RFTN1: variants seen among roughly 807,000 people sequenced by gnomAD.
RFTN1 encodes raftlin.
A neutral mutation model predicts 46.5 loss-of-function variants in RFTN1; 26 were observed. The ratio of observed to expected loss-of-function variants is 0.56; its 90% CI spans 0.41 to 0.78. The LOEUF (loss-of-function observed/expected upper bound fraction) is 0.78. Among genes scored for constraint, RFTN1 ranks in the 30% least tolerant of loss-of-function variants. The pLI is 0.00. For missense variants in RFTN1, 693 were observed against 718.7 expected, an observed-to-expected ratio of 0.96 and a Z score of 0.41; for synonymous variants, 261 against 284.2, an observed-to-expected ratio of 0.92 and a Z score of 0.82.
Position 16,402,102 on chromosome 3 carries a change from A to G in RFTN1, c.441+7273T>C, listed in dbSNP as rs2074619066. On this transcript the variant is annotated intron_variant, in intron 4 of 9. Coordinates refer to ENST00000334133, the MANE Select transcript of RFTN1 (RefSeq NM_015150.2). The surrounding 1 kb of genome is among the most constrained non-coding windows in gnomAD (Gnocchi z 4.5). ...TCTTCATACAACCATCCCCATTCTC[A>G]TCACCTCTCTGCCCCCAGGGCTCCT... Among the ~76,000 whole-genome samples the G allele has an allele frequency of 6.6e-6, 1 of 152,088 alleles. No homozygotes were observed. Among genetic ancestry groups the G allele is most frequent in the Non-Finnish European group, 1.5e-5 (1 of 68,002 alleles).
Position 16,442,720 on chromosome 3 carries a change from C to A in RFTN1, c.146-8683G>T, listed in dbSNP as rs2075651857. On this transcript the variant is annotated intron_variant, in intron 2 of 9. Coordinates refer to ENST00000334133, the MANE Select transcript of RFTN1 (RefSeq NM_015150.2). This position sits in a 1 kb window ranked among gnomAD's most constrained non-coding sequence, Gnocchi z 4.1. ...ACTGCAACTTTGTACCTTTGACCTA[C>A]AACTCCCCATCTCCCTGCATCTCCC... is the stretch of plus-strand genomic sequence containing the variant. Among the ~76,000 whole-genome samples, 2 of 152,192 alleles carry A rather than the reference C, an allele frequency of 1.3e-5. No individual in the cohort carries two copies.
At chr3:16,326,486 T>C (rs1025322628) in intron 8 of RFTN1, among the ~76,000 whole-genome samples, 5 of 152,222 alleles carry the variant, frequency 3.3e-5, no homozygotes, top group African/African-American at 1.2e-4. Context: ...TTCTTTTGCA[T>C]TGGAGGCTCT....
rs564511659 is a variant in RFTN1, at chr3:16,450,918, G to C, written c.146-16881C>G. Among the ~76,000 whole-genome samples the C allele has an allele frequency of 2.0e-5, 3 of 152,154 alleles. No individual in the cohort carries two copies. The highest frequency in any genetic ancestry group is 1.9e-4 in the East Asian group (1 of 5,172). ...GTGGTGACTTTCACCACTTGGTTTT[G>C]GTCCTGTTGACTACAGAGGGCCTCT... is the stretch of plus-strand genomic sequence containing the variant. On this transcript the variant is annotated intron_variant, in intron 2 of 9. Transcript: ENST00000334133. The surrounding 1 kb of genome is among the most constrained non-coding windows in gnomAD (Gnocchi z 4.6).
Position 16,344,610 on chromosome 3 carries a change from C to G in RFTN1, c.1146+13322G>C, listed in dbSNP as rs1161885874. ...GTGGCCTCCCAGAATCAGGTCTCTT[C>G]AGGTCCACCACCTTCTAGATCACTG... On this transcript the variant is annotated intron_variant, in intron 7 of 9. Coordinates refer to ENST00000334133, the MANE Select transcript of RFTN1 (RefSeq NM_015150.2). The surrounding 1 kb of genome is among the most constrained non-coding windows in gnomAD (Gnocchi z 4.4). Among the ~76,000 whole-genome samples the G allele has an allele frequency of 6.6e-6, 1 of 152,126 alleles. No homozygotes were observed. Among genetic ancestry groups the G allele is most frequent in the African/African-American group, 2.4e-5 (1 of 41,420 alleles).
rs917993617 is a variant in RFTN1, at chr3:16,348,670, G to A, written c.1146+9262C>T. Among the ~76,000 whole-genome samples, 4 of 152,112 alleles carry A rather than the reference G, an allele frequency of 2.6e-5. No homozygotes were observed. Among genetic ancestry groups the A allele is most frequent in the African/African-American group, 9.7e-5 (4 of 41,424 alleles). On this transcript the variant is annotated intron_variant, in intron 7 of 9. Transcript: ENST00000334133. This position sits in a 1 kb window ranked among gnomAD's most constrained non-coding sequence, Gnocchi z 6.3. ...ATGCCCCTTTGCATCCTTGTTCCTG[G>A]GCATCAAAAAGTAGTCACTCTCTTT...
chr3:16,415,640 G>C (rs2125458501), intron 3 of RFTN1, among the ~76,000 whole-genome samples: 1 of 151,820 alleles, frequency 6.6e-6, no homozygotes, highest in African/African-American at 2.4e-5. Context: ...AAGAGGGTGG[G>C]GTGAAAAGAG....
chr3:16,455,257 C>T (rs1461181169), intron 2 of RFTN1, among the ~76,000 whole-genome samples: 5 of 152,164 alleles, frequency 3.3e-5, no homozygotes, highest in Admixed American at 2.0e-4. Flanking sequence ...ATAACGATTA[C>T]GTGGAGAAAT....
Position 16,458,165 on chromosome 3 carries a change from T to C in RFTN1, c.146-24128A>G, listed in dbSNP as rs1199280440. On this transcript the variant is annotated intron_variant, in intron 2 of 9. Coordinates refer to ENST00000334133, the MANE Select transcript of RFTN1 (RefSeq NM_015150.2). This position sits in a 1 kb window ranked among gnomAD's most constrained non-coding sequence, Gnocchi z 5.1. ...TTCGTTTCAACAACACAAAATAGAC[T>C]AAGACAGACATTCTTTGAGCACCTA... 2.0e-5 allele frequency among the ~76,000 whole-genome samples: 3 copies of C among 152,162 alleles called. No homozygotes were observed. The highest frequency in any genetic ancestry group is 2.4e-5 in the African/African-American group (1 of 41,442).
chr3:16,415,422 T>TACACACACACACACACACAC (rs1299005056), intron 3 of RFTN1, among the ~76,000 whole-genome samples: 1 of 91,760 alleles, frequency 1.1e-5, no homozygotes, highest in African/African-American at 3.0e-5. Context: ...TATATATATA[T>TACACACACACACACACACAC]ATATATATAC....
Position 16,322,382 on chromosome 3 carries a change from G to C in RFTN1, c.1332+994C>G, listed in dbSNP as rs2069168863. 6.6e-6 allele frequency among the ~76,000 whole-genome samples: 1 copy of C among 152,188 alleles called. No homozygotes were observed. Among genetic ancestry groups the C allele is most frequent in the African/African-American group, 2.4e-5 (1 of 41,442 alleles). Reference sequence around the variant, plus strand: ...GCTGCTCCAATCTGTTCATTTACTTGATGCTCCTTCCCAGGGCTCTGTGTC... The same window carrying C: ...GCTGCTCCAATCTGTTCATTTACTTCATGCTCCTTCCCAGGGCTCTGTGTC... On this transcript the variant is annotated intron_variant, in intron 9 of 9. Transcript: ENST00000334133. This position sits in a 1 kb window ranked among gnomAD's most constrained non-coding sequence, Gnocchi z 6.2.
intron 2 of RFTN1, among the ~76,000 whole-genome samples, chr3:16,453,699 G>C (rs975550040): frequency 2.0e-5 from 3 of 152,198 alleles, no homozygotes; most frequent in Admixed American, 6.5e-5. Context: ...TGCTATGGGA[G>C]TCTACAATGG....
chr3:16,470,901 A>T (rs951556352), intron 2 of RFTN1, among the ~76,000 whole-genome samples: 6 of 152,246 alleles, frequency 3.9e-5, no homozygotes, highest in African/African-American at 1.4e-4. Flanking sequence ...ACAGGGTGCT[A>T]GAATTAACAA....
intron 4 of RFTN1, among the ~76,000 whole-genome samples, chr3:16,392,648 G>A (rs1165918631): frequency 7.0e-6 from 1 of 142,442 alleles, no homozygotes; most frequent in Admixed American, 7.0e-5. Flanking sequence ...ATACATAAAA[G>A]TTATATGTGT....
chr3:16,489,431 T>C lies in RFTN1; in HGVS notation c.145+4294A>G, dbSNP rs1448242459. 6.7e-6 allele frequency among the ~76,000 whole-genome samples: 1 copy of C among 149,574 alleles called. No individual in the cohort carries two copies. Among genetic ancestry groups the C allele is most frequent in the African/African-American group, 2.5e-5 (1 of 40,570 alleles). On this transcript the variant is annotated intron_variant, in intron 2 of 9. Coordinates refer to ENST00000334133, the MANE Select transcript of RFTN1 (RefSeq NM_015150.2). This position sits in a 1 kb window ranked among gnomAD's most constrained non-coding sequence, Gnocchi z 4.0. ...AGACTTCGCTTCAAAAAAAAATCAG[T>C]GATGGAGAGGAGATTAGTGGTTGTC... is the stretch of plus-strand genomic sequence containing the variant.
rs773219243 is a variant in RFTN1 at position 16,498,195 on chromosome 3, A to G, written c.-8-4318T>C. Among the ~76,000 whole-genome samples the G allele has an allele frequency of 1.3e-3, 198 of 152,254 alleles. 5 individuals carry two copies. The highest frequency in any genetic ancestry group is 3.8e-4 in the Non-Finnish European group (26 of 68,050). ...GATGCCTCCATACTTGAGTCATTACATAACGACTGCAACTTAGTTTAGTAG... is the reference window on the plus strand; with the variant it reads ...GATGCCTCCATACTTGAGTCATTACGTAACGACTGCAACTTAGTTTAGTAG... On this transcript the variant is annotated intron_variant, in intron 1 of 9. Transcript: ENST00000334133. The surrounding 1 kb of genome is among the most constrained non-coding windows in gnomAD (Gnocchi z 5.2).
In RFTN1 at chr3:16,316,928, G is replaced by T. The variant is rs1409802735; in HGVS notation, c.1637C>A (p.Ala546Asp). Residue 546 changes from alanine to aspartate, a missense_variant, in exon 10 of 10, where the codon GCC becomes GAC. By Grantham distance (126) the Ala-to-Asp change is moderately radical. Transcript: ENST00000334133. This position sits in a 1 kb window ranked among gnomAD's most constrained non-coding sequence, Gnocchi z 4.5. The stretch of plus-strand genomic sequence containing the variant: ...GTGCCCAGTGCAAATCCCCACCAGG[G>T]CCCTGCTGTGGCTGGCAGGACCATT... ...VQNGPASHSR[A>D]LVGICTGHSN... 6.2e-7 allele frequency: 1 copy of T among 1,614,038 alleles called. No individual in the cohort carries two copies. The highest frequency in any genetic ancestry group is 8.5e-7 in the Non-Finnish European group (1 of 1,180,010).
In RFTN1 at chr3:16,384,825, A is replaced by G. The variant is rs2074112556; in HGVS notation, c.442-6723T>C. ...ATGAGTCACATTTCAAGCACCCACC[A>G]GCCACTTGTGGCTAGTGATGACCCC... On this transcript the variant is annotated intron_variant, in intron 4 of 9. Transcript: ENST00000334133. This position sits in a 1 kb window ranked among gnomAD's most constrained non-coding sequence, Gnocchi z 4.7. 1.3e-5 allele frequency among the ~76,000 whole-genome samples: 2 copies of G among 152,194 alleles called. No individual in the cohort carries two copies. The highest frequency in any genetic ancestry group is 2.9e-5 in the Non-Finnish European group (2 of 68,036).
intron 4 of RFTN1, among the ~76,000 whole-genome samples, chr3:16,393,754 G>A (rs1469213636): frequency 6.6e-5 from 10 of 151,618 alleles, no homozygotes. Context: ...CACCTCCTGG[G>A]TTCACTCCAT....
chr3:16,397,359 A>T (rs1356196062), intron 4 of RFTN1, among the ~76,000 whole-genome samples: 1 of 152,200 alleles, frequency 6.6e-6, no homozygotes, highest in Non-Finnish European at 1.5e-5. Flanking sequence ...GGAAATGGGG[A>T]GATGTAGGTC....
Sources: gnomAD v4.1 joint callset for allele counts (sites outside exome capture counted in the v4.1 genomes callset) on GRCh38, gnomAD v4.1.1 for gene constraint, Gnocchi (gnomAD v3.1) non-coding constraint, MANE v1.5 for transcripts, NCBI Gene and HGNC (gene_info 2026-07-23, HGNC 2026-07-21) for gene names.